MYL6: variants seen among roughly 807,000 people sequenced by gnomAD.
The protein encoded by MYL6 is myosin light chain 6, also known as myosin light polypeptide 6.
In MYL6, 20 loss-of-function variants were observed where a neutral mutation model predicts 20.3. That is an observed-to-expected ratio of 0.98 (90% CI 0.69 to 1.43). The LOEUF (loss-of-function observed/expected upper bound fraction) is 1.43, where lower values mean the gene tolerates loss of function less well. MYL6 is among the 40% of genes most tolerant of loss of function. The pLI, the probability that MYL6 is intolerant of heterozygous loss-of-function variation, is 0.00. For synonymous variants in MYL6, 77 were observed against 72.4 expected (o/e 1.06, Z -0.32); for missense variants, 164 against 191.0 (o/e 0.86, Z 0.83).
At chr12:56,160,730 C>T in intron 6 of MYL6, 60 bp downstream of exon 6, 1 of 1,564,404 alleles carries the variant, frequency 6.4e-7, no homozygotes, top group Admixed American at 1.7e-5. Flanking sequence ...TTTTCCCCAA[C>T]CTGTGCTCTT....
rs1467471472 is a variant in MYL6, at chr12:56,158,416, G to C, written c.3+12G>C. The C allele has an allele frequency of 1.3e-6, 2 of 1,535,890 alleles. No individual in the cohort carries two copies. Among genetic ancestry groups the C allele is most frequent in the Non-Finnish European group, 1.7e-6 (2 of 1,144,290 alleles). ...GAGCAGTCAAGATGGTGGGGCCCAG[G>C]TCTTGGGAGACGGGCAGGATTGGGG... On this transcript the variant is annotated intron_variant, in intron 1 of 6. Transcript: ENST00000550697.
rs373316318 is a variant in MYL6, at chr12:56,160,297, G to A, written c.404G>A (p.Ser135Asn). ...VEMLVAGHED[S>N]NGCINYEAFV... ...ATGCTGGTGGCAGGGCATGAGGACA[G>A]CAATGGTTGTATCAACTATGAAGGT... Residue 135 changes from serine to asparagine, a missense_variant, in exon 5 of 7, where the codon AGC becomes AAC. By Grantham distance (46) the Ser-to-Asn change is conservative (BLOSUM62 1). Coordinates refer to ENST00000550697, the MANE Select transcript of MYL6 (RefSeq NM_021019.5). The A allele has an allele frequency of 4.3e-6, 7 of 1,614,226 alleles. No homozygotes were observed. The East Asian group carries it at 8.9e-5, about 21-fold the overall frequency.
rs1339213023 is a variant in MYL6, at chr12:56,159,981, A to C, written c.182A>C (p.Asn61Thr). ...TCCACCTCCTTTATGGCAGAGATGA[A>C]TGTGAAGGTGCTGGACTTTGAGCAC... ...VLGNPKSDEM[N>T]VKVLDFEHFL... Residue 61 changes from asparagine (N) to threonine (T), a missense_variant, in exon 4 of 7, where the codon AAT (asparagine) becomes ACT (threonine). Transcript: ENST00000550697. The C allele has an allele frequency of 6.2e-7, 1 of 1,612,010 alleles. No individual in the cohort carries two copies. The highest frequency in any genetic ancestry group is 1.3e-5 in the African/African-American group (1 of 74,868).
intron 2 of MYL6, 71 bp downstream of exon 2, chr12:56,158,782 C>G: frequency 6.2e-7 from 1 of 1,602,786 alleles, no homozygotes; most frequent in Non-Finnish European, 8.5e-7. Flanking sequence ...CACCTATCCT[C>G]TAATCTTAAT....
chr12:56,159,181 T>C, intron 2 of MYL6: 1 of 279,792 alleles, frequency 3.6e-6, no homozygotes, highest in Non-Finnish European at 6.8e-6. Context: ...AGCTATACCC[T>C]CTGGAAGTTC....
Position 56,159,597 on chromosome 12 carries a change from G to A in MYL6, c.42G>A (p.Glu14=). The A allele has an allele frequency of 1.9e-6, 3 of 1,613,468 alleles. No homozygotes were observed. The highest frequency in any genetic ancestry group is 2.5e-6 in the Non-Finnish European group (3 of 1,179,848). Reference sequence around the variant, plus strand: ...CATCTGAATCCTCAGAGTTCAAGGAGGCCTTCCAGCTGTTTGACCGAACAG... The same window carrying A: ...CATCTGAATCCTCAGAGTTCAAGGAAGCCTTCCAGCTGTTTGACCGAACAG... ...FTEDQTAEFK[E]AFQLFDRTGD... Residue 14 remains glutamate, a synonymous_variant, in exon 3 of 7, where the codon GAG becomes GAA. Transcript: ENST00000550697.
intron 5 of MYL6, 83 bp downstream of exon 5, chr12:56,160,403 G>A (rs1445842539): frequency 6.3e-6 from 10 of 1,576,908 alleles, no homozygotes; most frequent in South Asian, 2.2e-5. Context: ...CCCTATCCCT[G>A]GACTTGGGCT....
intron 5 of MYL6, 41 bp downstream of exon 5, chr12:56,160,361 T>C (rs1270727111): frequency 2.5e-6 from 4 of 1,611,752 alleles, no homozygotes; most frequent in Middle Eastern, 1.7e-4. Flanking sequence ...AGCAGCCATA[T>C]GGGGCAGGTC....
chr12:56,158,422 G>A lies in MYL6; in HGVS notation c.3+18G>A. On this transcript the variant is annotated intron_variant, in intron 1 of 6. Transcript: ENST00000550697. ...TCAAGATGGTGGGGCCCAGGTCTTG[G>A]GAGACGGGCAGGATTGGGGACGAGA... 1 of 1,536,244 alleles carries A rather than the reference G, an allele frequency of 6.5e-7. No homozygotes were observed.
In MYL6 at chr12:56,161,541, C is replaced by T. The variant is rs1310605043; in HGVS notation, c.*171C>T. ...CTTGTCTCTCTTGGATGATGTTTGCCGTCAGCATTCACCAAATAAACTTGC... is the reference window on the plus strand; with the variant it reads ...CTTGTCTCTCTTGGATGATGTTTGCTGTCAGCATTCACCAAATAAACTTGC... On this transcript the variant is annotated 3_prime_UTR_variant, in exon 7 of 7. Transcript: ENST00000550697. The T allele has an allele frequency of 8.3e-6, 10 of 1,207,630 alleles. No individual in the cohort carries two copies. Among genetic ancestry groups the T allele is most frequent in the Non-Finnish European group, 1.2e-5 (10 of 818,428 alleles). The allele number at this position is 1,207,630 out of a possible 1,614,324, so 74.8% of individuals were successfully genotyped here.
chr12:56,159,285 G>T (rs1275016853), intron 2 of MYL6: 2 of 375,848 alleles, frequency 5.3e-6, no homozygotes, highest in Non-Finnish European at 9.7e-6. Context: ...ACTGAGACTG[G>T]GCGGTGGCGA....
chr12:56,161,159 G>T (rs1412949845), intron 6 of MYL6: 2 of 616,766 alleles, frequency 3.2e-6, no homozygotes, highest in Non-Finnish European at 5.8e-6. Flanking sequence ...CCTCTGCTGT[G>T]TTCTTGCTGC....
intron 3 of MYL6, 64 bp downstream of exon 3, chr12:56,159,794 T>C: frequency 1.9e-6 from 3 of 1,567,502 alleles, no homozygotes; most frequent in Non-Finnish European, 2.6e-6. Context: ...AGCTAAGAGC[T>C]TCCCTTTATC....
chr12:56,159,496 A>G, intron 2 of MYL6, 91 bp from the exon 3 acceptor site: 1 of 1,522,932 alleles, frequency 6.6e-7, no homozygotes, highest in Middle Eastern at 2.5e-4. Context: ...TCGTTTCCTC[A>G]GCATGATCAA....
intron 6 of MYL6, 149 bp from the exon 7 acceptor site, chr12:56,161,238 A>C (rs1274298): frequency 0.1 from 86,737 of 858,122 alleles, 4,875 homozygotes; most frequent in Non-Finnish European, 0.11. Context: ...GGTCAGACTC[A>C]AGGTGGCTCC....
chr12:56,158,434 G>T (rs1871454935), intron 1 of MYL6, 30 bp downstream of exon 1: 1 of 1,546,234 alleles, frequency 6.5e-7, no homozygotes, highest in African/African-American at 1.4e-5. Flanking sequence ...AGACGGGCAG[G>T]ATTGGGGACG....
In MYL6 at chr12:56,158,664, C is replaced by T; in HGVS notation, c.4-20C>T. The T allele has an allele frequency of 1.2e-6, 2 of 1,614,108 alleles. No individual in the cohort carries two copies. The highest frequency in any genetic ancestry group is 1.7e-6 in the Non-Finnish European group (2 of 1,180,010). On this transcript the variant is annotated intron_variant, in intron 1 of 6. Coordinates refer to ENST00000550697, the MANE Select transcript of MYL6 (RefSeq NM_021019.5). ...GGGATTGGCGTTCAGATGCTGACCA[C>T]TTCCCTCTTCTCTGAGCAGTGTGAC... is the stretch of plus-strand genomic sequence containing the variant.
At chr12:56,158,470 G>A in intron 1 of MYL6, 66 bp downstream of exon 1, 1 of 1,564,656 alleles carries the variant, frequency 6.4e-7, no homozygotes, top group Non-Finnish European at 8.7e-7. Context: ...CGGGTGGGGG[G>A]CGAGGAGAAG....
chr12:56,159,733 G>A lies in MYL6; in HGVS notation c.175+3G>A. On this transcript the variant is annotated splice_donor_region_variant and intron_variant, in intron 3 of 6. Transcript: ENST00000550697. ...CCTGGGGAACCCCAAGAGTGATGGT[G>A]AGGGGCCTAAAGAACAACTCCTCAG... 1.2e-6 allele frequency: 2 copies of A among 1,613,276 alleles called. No individual in the cohort carries two copies. Among genetic ancestry groups the A allele is most frequent in the African/African-American group, 1.3e-5 (1 of 75,046 alleles).
Sources: allele counts gnomAD v4.1 joint callset, GRCh38; gene constraint gnomAD v4.1.1; transcripts MANE v1.5; gene names NCBI Gene and HGNC (gene_info 2026-07-23, HGNC 2026-07-21).